Variants in LRRFIP2 observed in about 807,000 individuals in gnomAD.
The protein encoded by LRRFIP2 is leucine-rich repeat flightless-interacting protein 2.
A neutral mutation model predicts 125.9 loss-of-function variants in LRRFIP2; 109 were observed. That is an observed-to-expected ratio of 0.87 (90% confidence interval 0.74 to 1.01). The LOEUF is 1.01. Ranked by LOEUF, LRRFIP2 falls within the 50% of genes least tolerant of loss-of-function variation. The pLI is 0.00. For synonymous variants in LRRFIP2, 291 were observed against 293.1 expected, an observed-to-expected ratio of 0.99 and a Z score of 0.07; for missense variants, 850 against 862.3, an observed-to-expected ratio of 0.99 and a Z score of 0.18.
At chr3:37,140,504 A>G (rs6550456) in intron 2 of LRRFIP2, 63,025 of 151,846 alleles carry the variant, frequency 0.42, 13,667 homozygotes, top group Non-Finnish European at 0.46. Context: ...TTTGAGAGGC[A>G]GGCAGATGAC....
chr3:37,154,006 G>C (rs1040085931), intron 1 of LRRFIP2, among the ~76,000 whole-genome samples: 8 of 88,324 alleles, frequency 9.1e-5, no homozygotes, highest in African/African-American at 3.1e-4. Context: ...GTGAAATTCT[G>C]TCTTTACAAA....
intron 18 of LRRFIP2, among the ~76,000 whole-genome samples, chr3:37,084,823 G>A (rs2092925625): frequency 6.6e-6 from 1 of 151,360 alleles, no homozygotes; most frequent in Non-Finnish European, 1.5e-5. Context: ...TATCTACTTT[G>A]GTAATTACTA....
chr3:37,139,205 G>C (rs2095631045), intron 2 of LRRFIP2, among the ~76,000 whole-genome samples: 1 of 152,118 alleles, frequency 6.6e-6, no homozygotes, highest in African/African-American at 2.4e-5. Flanking sequence ...TCAAACTGTG[G>C]TCAAACATAA....
intron 23 of LRRFIP2, 34 bp downstream of exon 23, chr3:37,065,776 T>A: frequency 6.2e-7 from 1 of 1,614,008 alleles, no homozygotes. Context: ...TAGGGTAACA[T>A]TAATCCAAGT....
chr3:37,154,935 T>C (rs1461345493), intron 1 of LRRFIP2, among the ~76,000 whole-genome samples: 2 of 152,250 alleles, frequency 1.3e-5, no homozygotes, highest in African/African-American at 4.8e-5. Context: ...TGTCCTAGTA[T>C]GTCTTTGCAT....
chr3:37,088,790 C>T (rs999452639), intron 18 of LRRFIP2, among the ~76,000 whole-genome samples: 1 of 151,648 alleles, frequency 6.6e-6, no homozygotes, highest in Non-Finnish European at 1.5e-5. Context: ...GAGCAAGAGA[C>T]CTTGTCTCTA....
chr3:37,133,249 T>C (rs1468299815), intron 2 of LRRFIP2, among the ~76,000 whole-genome samples: 1 of 151,856 alleles, frequency 6.6e-6, no homozygotes, highest in Admixed American at 6.6e-5. Flanking sequence ...CAAAACAAAA[T>C]AAAGTTGGCT....
chr3:37,091,557 A>G lies in LRRFIP2; in HGVS notation c.1036-19T>C. 1 of 1,563,386 alleles carries G rather than the reference A, an allele frequency of 6.4e-7. No individual in the cohort carries two copies. Among genetic ancestry groups the G allele is most frequent in the Admixed American group, 1.8e-5 (1 of 54,758 alleles). ...AGATATCCTGCAGGACATAGGAATG[A>G]ACCATTGCATAAAACCATGCACAAA... On this transcript the variant is annotated intron_variant, in intron 17 of 27. Coordinates refer to ENST00000336686, the MANE Select transcript of LRRFIP2 (RefSeq NM_006309.4).
chr3:37,063,834 A>G (rs777412347), intron 23 of LRRFIP2, 43 bp from the exon 24 acceptor site: 2 of 1,430,958 alleles, frequency 1.4e-6, no homozygotes, highest in Non-Finnish European at 2.0e-6. Context: ...ATGTGATGAT[A>G]TAGTACATAA....
At chr3:37,109,425 T>C (rs918243961) in intron 11 of LRRFIP2, 102 bp downstream of exon 11, 8 of 1,258,610 alleles carry the variant, frequency 6.4e-6, no homozygotes, top group South Asian at 1.2e-5. Context: ...ACTAAAATCA[T>C]GTGTCCTTAA....
intron 1 of LRRFIP2, among the ~76,000 whole-genome samples, chr3:37,155,110 T>C (rs9869432): frequency 0.38 from 58,138 of 152,100 alleles, 11,818 homozygotes; most frequent in Non-Finnish European, 0.45. Context: ...GTTCAACTGA[T>C]TGCACTACCA....
In LRRFIP2 at chr3:37,111,066, C is replaced by G. The variant is rs1170803711; in HGVS notation, c.439-1G>C. The G allele has an allele frequency of 4.3e-6, 7 of 1,612,982 alleles. No homozygotes were observed. The highest frequency in any genetic ancestry group is 5.9e-6 in the Non-Finnish European group (7 of 1,179,382). ...TTCTCTGGTCAAAGTAGAGGCCACT[C>G]TGCAAAAAGCAAAATTAAACACATT... is the stretch of plus-strand genomic sequence containing the variant. On this transcript the variant is annotated splice_acceptor_variant, in intron 8 of 27. Transcript: ENST00000336686. LOFTEE classifies it high-confidence loss of function.
At chr3:37,137,072 A>C (rs1370124434) in intron 2 of LRRFIP2, among the ~76,000 whole-genome samples, 2 of 151,538 alleles carry the variant, frequency 1.3e-5, no homozygotes, top group Non-Finnish European at 1.5e-5. Flanking sequence ...GGCTCAAGTG[A>C]TCTTTCCCAT....
chr3:37,110,787 A>G (rs2094520004), intron 9 of LRRFIP2, among the ~76,000 whole-genome samples: 1 of 152,168 alleles, frequency 6.6e-6, no homozygotes, highest in Non-Finnish European at 1.5e-5. Flanking sequence ...AATGTCTTTA[A>G]TGGTACTGAT....
At chr3:37,130,079 C>T (rs1039706984) in intron 2 of LRRFIP2, among the ~76,000 whole-genome samples, 2 of 152,174 alleles carry the variant, frequency 1.3e-5, no homozygotes, top group Non-Finnish European at 2.9e-5. Context: ...CCAGAACATT[C>T]TCACACCCCA....
chr3:37,104,223 A>G (rs2094207268), intron 14 of LRRFIP2, among the ~76,000 whole-genome samples: 1 of 152,192 alleles, frequency 6.6e-6, no homozygotes, highest in Admixed American at 6.5e-5. Context: ...TTTAATCCAT[A>G]TATTAAACCT....
rs1011933912 is a variant in LRRFIP2, at chr3:37,075,775, G to A, written c.1279-659C>T. ...ATACATACTGAAAAAGAAGAAAGCC[G>A]GCCTTATTAGGTATTAAAACATATT... On this transcript the variant is annotated intron_variant, in intron 19 of 27. Transcript: ENST00000336686. Among the ~76,000 whole-genome samples, 6 of 151,848 alleles carry A rather than the reference G, an allele frequency of 4.0e-5. No homozygotes were observed. The East Asian group carries it at 5.8e-4, about 15-fold the overall frequency.
At chr3:37,084,781 A>C (rs1479106780) in intron 18 of LRRFIP2, among the ~76,000 whole-genome samples, 1 of 152,214 alleles carries the variant, frequency 6.6e-6, no homozygotes, top group Non-Finnish European at 1.5e-5. Context: ...TTTCTGCCTA[A>C]AATAGCTTAC....
chr3:37,141,452 C>T (rs1043878341), intron 2 of LRRFIP2, among the ~76,000 whole-genome samples: 2 of 152,178 alleles, frequency 1.3e-5, no homozygotes, highest in African/African-American at 4.8e-5. Flanking sequence ...TGTTTTACAC[C>T]CCGGTGTCTA....
Sources: allele counts gnomAD v4.1 joint callset (sites outside exome capture counted in the v4.1 genomes callset), GRCh38; gene constraint gnomAD v4.1.1; transcripts MANE v1.5; gene names NCBI Gene and HGNC (gene_info 2026-07-23, HGNC 2026-07-21).